The following SI variants were observed in gnomAD, a reference collection of about 807,000 sequenced individuals.
The protein encoded by SI is sucrase-isomaltase, intestinal.
In SI, 235 loss-of-function variants were observed where a neutral mutation model predicts 253.3. That is an observed-to-expected ratio of 0.93 (90% CI 0.83 to 1.03). SI has a LOEUF of 1.03. Ranked by LOEUF, SI falls within the 50% of genes least tolerant of loss-of-function variation. The pLI is 0.00. For missense variants in SI, 2,442 were observed against 2,211.1 expected (o/e 1.10, Z -2.09); for synonymous variants, 819 against 712.0 (o/e 1.15, Z -2.39).
intron 3 of SI, among the ~76,000 whole-genome samples, chr3:165,070,164 A>G (rs1447914997): frequency 9.8e-6 from 1 of 102,262 alleles, no homozygotes; most frequent in African/African-American, 3.3e-5. Flanking sequence ...TATATATAAA[A>G]TATATTTTGA....
chr3:165,073,321 C>G (rs1224636670), intron 3 of SI, among the ~76,000 whole-genome samples: 2 of 151,958 alleles, frequency 1.3e-5, no homozygotes, highest in Non-Finnish European at 2.9e-5. Flanking sequence ...ACTGCAAGCT[C>G]TGCCTAAGAA....
chr3:165,036,623 T>C (rs950670758), intron 21 of SI, 146 bp from the exon 22 acceptor site: 2 of 568,258 alleles, frequency 3.5e-6, no homozygotes, highest in Middle Eastern at 4.3e-4. Flanking sequence ...TATTTATATG[T>C]ATTAATAATT....
At chr3:165,070,312 C>T (rs1278126639) in intron 3 of SI, among the ~76,000 whole-genome samples, 4 of 141,146 alleles carry the variant, frequency 2.8e-5, no homozygotes, top group Admixed American at 2.2e-4. Flanking sequence ...TGTATATATA[C>T]ATATATTATA....
intron 22 of SI, among the ~76,000 whole-genome samples, chr3:165,035,541 C>T (rs1282034905): frequency 1.3e-5 from 2 of 151,410 alleles, no homozygotes; most frequent in African/African-American, 4.8e-5. Flanking sequence ...AATAAATATT[C>T]ACATGTTTCA....
intron 44 of SI, among the ~76,000 whole-genome samples, chr3:164,991,013 A>G (rs1302883879): frequency 6.6e-6 from 1 of 152,112 alleles, no homozygotes; most frequent in African/African-American, 2.4e-5. Context: ...AATAATGGAT[A>G]GATTTGTTTG....
At chr3:165,002,999 T>C (rs1225276071) in intron 37 of SI, among the ~76,000 whole-genome samples, 2 of 151,962 alleles carry the variant, frequency 1.3e-5, no homozygotes, top group East Asian at 3.9e-4. Context: ...TCCTCATAAT[T>C]TTGCTTAAAA....
intron 44 of SI, among the ~76,000 whole-genome samples, chr3:164,989,686 A>G: frequency 6.6e-6 from 1 of 152,110 alleles, no homozygotes; most frequent in Admixed American, 6.5e-5. Context: ...AAGGAAAGAG[A>G]CACCTCCAAG....
At chr3:165,006,516 A>G (rs576227428) in intron 37 of SI, among the ~76,000 whole-genome samples, 1 of 152,304 alleles carries the variant, frequency 6.6e-6, no homozygotes, top group East Asian at 1.9e-4. Context: ...ATCCAATATT[A>G]TTTATTGAGC....
intron 3 of SI, among the ~76,000 whole-genome samples, chr3:165,072,203 C>A (rs146239034): frequency 6.6e-6 from 1 of 151,894 alleles, no homozygotes; most frequent in Non-Finnish European, 1.5e-5. Flanking sequence ...CTTTAACCAA[C>A]TTCAATCTCT....
intron 44 of SI, among the ~76,000 whole-genome samples, chr3:164,990,451 C>CT (rs1334073935): frequency 6.6e-6 from 1 of 152,038 alleles, no homozygotes; most frequent in Non-Finnish European, 1.5e-5. Context: ...AGCTTTCTTA[C>CT]TTTAAGAGGG....
chr3:165,022,166 C>G (rs1026635884), intron 26 of SI, among the ~76,000 whole-genome samples: 50 of 151,590 alleles, frequency 3.3e-4, no homozygotes, highest in African/African-American at 1.2e-3. Flanking sequence ...GTTGGAATTG[C>G]TTTCCCTATG....
intron 12 of SI, among the ~76,000 whole-genome samples, chr3:165,056,553 A>T (rs1713702680): frequency 6.6e-6 from 1 of 152,132 alleles, no homozygotes; most frequent in South Asian, 2.1e-4. Flanking sequence ...CCCCTCTCAC[A>T]TTCCCCAACA....
At chr3:165,071,118 TTC>T (rs1714550207) in intron 3 of SI, among the ~76,000 whole-genome samples, 1 of 152,236 alleles carries the variant, frequency 6.6e-6, no homozygotes, top group East Asian at 1.9e-4. Flanking sequence ...AACTAATTGC[TTC>T]TGGAAAACTA....
Position 164,996,626 on chromosome 3 carries a change from A to C in SI, c.4601T>G (p.Phe1534Cys). ...SYTGADICGF[F>C]NNSEYHLCTR... ...ACAGAGATGATATTCTGAGTTGTTG[A>C]AAAAACCACAGATGTCTGCTCCAGT... is the stretch of plus-strand genomic sequence containing the variant. The change falls in exon 40 of 48, where the codon TTC (phenylalanine) becomes TGC (cysteine). Residue 1534 changes from phenylalanine (F) to cysteine (C), a missense_variant. By Grantham distance (205) the Phe-to-Cys change is radical (BLOSUM62 -2). Transcript: ENST00000264382. 1 of 1,604,344 alleles carries C rather than the reference A, an allele frequency of 6.2e-7. No homozygotes were observed. The highest frequency in any genetic ancestry group is 8.5e-7 in the Non-Finnish European group (1 of 1,171,846).
At chr3:164,991,229 T>C (rs533289862) in intron 44 of SI, 124 bp downstream of exon 44, 151 of 1,032,510 alleles carry the variant, frequency 1.5e-4, no homozygotes, top group African/African-American at 6.4e-4. Flanking sequence ...GCATTCATGT[T>C]ACTGAGGCAG....
intron 28 of SI, among the ~76,000 whole-genome samples, chr3:165,018,630 A>G (rs1376740448): frequency 6.6e-6 from 1 of 151,032 alleles, no homozygotes; most frequent in African/African-American, 2.4e-5. Flanking sequence ...TAGATTATAT[A>G]CTTTTGATTC....
intron 7 of SI, among the ~76,000 whole-genome samples, 197 bp downstream of exon 7, chr3:165,065,064 C>T (rs1260915333): frequency 1.3e-5 from 2 of 151,944 alleles, no homozygotes; most frequent in African/African-American, 2.4e-5. Context: ...AAAACCTTTA[C>T]AAAATCTGTT....
At chr3:165,058,014 G>T (rs1713780815) in intron 12 of SI, among the ~76,000 whole-genome samples, 1 of 151,290 alleles carries the variant, frequency 6.6e-6, no homozygotes, top group Admixed American at 6.6e-5. Flanking sequence ...ATTCTCAAGG[G>T]TAGACCATAT....
At position 165,007,982 on chromosome 3, in the gene SI, G is replaced by A. The variant is rs1718597187; in HGVS notation, c.4196C>T (p.Ser1399Leu). ...AGTAGTTGTTCCATTTACAAAACTT[G>A]ATGGCTCATTCATATCCTTAAAAAA... is the stretch of plus-strand genomic sequence containing the variant. ...DGLWIDMNEP[S>L]SFVNGTTTNQ... Residue 1399 changes from serine to leucine, a missense_variant, in exon 36 of 48, where the codon TCA (serine) becomes TTA (leucine). Coordinates refer to ENST00000264382, the MANE Select transcript of SI (RefSeq NM_001041.4). 4 of 1,570,984 alleles carry A rather than the reference G, an allele frequency of 2.5e-6. No individual in the cohort carries two copies. Among genetic ancestry groups the A allele is most frequent in the Non-Finnish European group, 3.5e-6 (4 of 1,142,284 alleles).
Sources: gnomAD v4.1 joint callset for allele counts (sites outside exome capture counted in the v4.1 genomes callset) on GRCh38, gnomAD v4.1.1 for gene constraint, MANE v1.5 for transcripts, NCBI Gene and HGNC (gene_info 2026-07-23, HGNC 2026-07-21) for gene names.